Variants in FUCA2 observed in about 807,000 individuals in gnomAD.
FUCA2 encodes the protein alpha-L-fucosidase 2.
In FUCA2, 41 loss-of-function variants were observed where a neutral mutation model predicts 52.6. The ratio of observed to expected loss-of-function variants is 0.78; its 90% CI spans 0.61 to 1.01. The LOEUF (loss-of-function observed/expected upper bound fraction) is 1.01. Ranked by LOEUF, FUCA2 falls within the 50% of genes least tolerant of loss-of-function variation. FUCA2 has a pLI of 0.00. For missense variants in FUCA2, 507 were observed against 569.5 expected (o/e 0.89, Z 1.12); for synonymous variants, 211 against 217.3 (o/e 0.97, Z 0.26).
rs1780671117 is a variant in FUCA2, at chr6:143,510,689, C to G, written c.224+722G>C. Among the ~76,000 whole-genome samples the G allele has an allele frequency of 6.6e-6, 1 of 151,016 alleles. No homozygotes were observed. The highest frequency in any genetic ancestry group is 2.1e-4 in the South Asian group (1 of 4,776). On this transcript the variant is annotated intron_variant, in intron 1 of 6. Transcript: ENST00000002165. This position sits in a 1 kb window ranked among gnomAD's most constrained non-coding sequence, Gnocchi z 4.4. ...ATGTGTATGTTTCTATATATGCACA[C>G]AAAATATTTCTGTTTTGAAGGACTT...
chr6:143,501,887 A>G lies in FUCA2; in HGVS notation c.1154+45T>C. ...TCTTTATATGTCTGATAAATTTTAA[A>G]TCTCTTCCTTTATAAAAGAGTACTT... On this transcript the variant is annotated intron_variant, in intron 5 of 6. Transcript: ENST00000002165. This position sits in a 1 kb window ranked among gnomAD's most constrained non-coding sequence, Gnocchi z 6.1. 1 of 1,512,132 alleles carries G rather than the reference A, an allele frequency of 6.6e-7. No homozygotes were observed. Among genetic ancestry groups the G allele is most frequent in the Non-Finnish European group, 9.0e-7 (1 of 1,107,318 alleles). 93.7% of individuals were successfully genotyped at this position (1,512,132 alleles called of 1,614,324 possible).
Position 143,502,854 on chromosome 6 carries a change from C to T in FUCA2, c.753-289G>A. 6.3e-6 allele frequency: 2 copies of T among 319,882 alleles called. No individual in the cohort carries two copies. The highest frequency in any genetic ancestry group is 1.2e-4 in the East Asian group (2 of 16,444). The allele number at this position is 319,882 out of a possible 1,614,324, so 19.8% of individuals were successfully genotyped here. The stretch of plus-strand genomic sequence containing the variant: ...AGTTATGTAAAACATTAGCCTGGTA[C>T]CCAGCACATATAGCACTCATAAGAG... On this transcript the variant is annotated intron_variant, in intron 3 of 6. Coordinates refer to ENST00000002165, the MANE Select transcript of FUCA2 (RefSeq NM_032020.5). The surrounding 1 kb of genome is among the most constrained non-coding windows in gnomAD (Gnocchi z 4.1).
Position 143,507,187 on chromosome 6 carries a change from T to C in FUCA2, c.412+50A>G. On this transcript the variant is annotated intron_variant, in intron 2 of 6. Transcript: ENST00000002165. The surrounding 1 kb of genome is among the most constrained non-coding windows in gnomAD (Gnocchi z 4.5). The stretch of plus-strand genomic sequence containing the variant: ...AGTTTTTTCTTCCAAAAGAACAACT[T>C]TTCATTTCTTAACCATTGTCAGCAA... The C allele has an allele frequency of 6.6e-7, 1 of 1,513,574 alleles. No homozygotes were observed. Among genetic ancestry groups the C allele is most frequent in the Non-Finnish European group, 8.9e-7 (1 of 1,123,636 alleles). The allele number at this position is 1,513,574 out of a possible 1,614,324, so 93.8% of individuals were successfully genotyped here. A position where few individuals can be genotyped will look rare whatever the true frequency, so the allele number is the denominator to read the frequency against.
In FUCA2 at chr6:143,499,774, A is replaced by G. The variant is rs930290380; in HGVS notation, c.1154+2158T>C. Among the ~76,000 whole-genome samples the G allele has an allele frequency of 1.3e-5, 2 of 152,124 alleles. No homozygotes were observed. Among genetic ancestry groups the G allele is most frequent in the Admixed American group, 6.6e-5 (1 of 15,266 alleles). ...GTTATTGTGGGCCTTGAGAAGAGCA[A>G]TTCTGGAGTGTGGGGGTGGAAGCTC... On this transcript the variant is annotated intron_variant, in intron 5 of 6. Coordinates refer to ENST00000002165, the MANE Select transcript of FUCA2 (RefSeq NM_032020.5). This position sits in a 1 kb window ranked among gnomAD's most constrained non-coding sequence, Gnocchi z 6.0.
In FUCA2 at chr6:143,511,469, C is replaced by A. The variant is rs765526154; in HGVS notation, c.166G>T (p.Gly56Cys). ...LPAWFDQAKF[G>C]IFIHWGVFSV... ...AACACTCCCCAGTGGATGAAGATGCCGAACTTGGCCTGGTCAAACCACGCG... is the reference window on the plus strand; with the variant it reads ...AACACTCCCCAGTGGATGAAGATGCAGAACTTGGCCTGGTCAAACCACGCG... Residue 56 changes from glycine to cysteine, a missense_variant, in exon 1 of 7, where the codon GGC becomes TGC. Gly to Cys is a radical substitution (Grantham distance 159, BLOSUM62 -3). Transcript: ENST00000002165. This position sits in a 1 kb window ranked among gnomAD's most constrained non-coding sequence, Gnocchi z 6.3. 4.3e-6 allele frequency: 7 copies of A among 1,609,500 alleles called. No individual in the cohort carries two copies. In the East Asian group the frequency reaches 6.7e-5, roughly 15 times the overall value.
Position 143,511,573 on chromosome 6 carries a change from A to G in FUCA2, c.62T>C (p.Leu21Pro), listed in dbSNP as rs375529300. 140 of 1,560,672 alleles carry G rather than the reference A, an allele frequency of 9.0e-5. No individual in the cohort carries two copies. Among genetic ancestry groups the G allele is most frequent in the Non-Finnish European group, 1.1e-4 (126 of 1,153,216 alleles). Residue 21 changes from leucine to proline, a missense_variant, in exon 1 of 7, where the codon CTG becomes CCG. Physicochemically the swap from Leu to Pro is moderately conservative, Grantham distance 98. Coordinates refer to ENST00000002165, the MANE Select transcript of FUCA2 (RefSeq NM_032020.5). The surrounding 1 kb of genome is among the most constrained non-coding windows in gnomAD (Gnocchi z 6.3). Reference protein sequence around the residue: ...FPLLLLLLLLLPPPPCPAHSA... With the variant: ...FPLLLLLLLLPPPPPCPAHSA... Reference sequence around the variant, plus strand: ...GTGGGCAGGGCACGGCGGCGGCGGCAGCAGCAGCAACAGCAACAGCAGCAA... The same window carrying G: ...GTGGGCAGGGCACGGCGGCGGCGGCGGCAGCAGCAACAGCAACAGCAGCAA...
At position 143,503,020 on chromosome 6, in the gene FUCA2, C is replaced by T. The variant is rs1039592032; in HGVS notation, c.753-455G>A. ...CTTTCTTTTTCTCTTACCATTGTGC[C>T]TAATATTGAAAAATCTCAGAAAATT... On this transcript the variant is annotated intron_variant, in intron 3 of 6. Coordinates refer to ENST00000002165, the MANE Select transcript of FUCA2 (RefSeq NM_032020.5). This position sits in a 1 kb window ranked among gnomAD's most constrained non-coding sequence, Gnocchi z 4.8. 2.6e-5 allele frequency: 4 copies of T among 155,140 alleles called. No homozygotes were observed. The highest frequency in any genetic ancestry group is 9.7e-5 in the African/African-American group (4 of 41,398). 9.6% of individuals were successfully genotyped at this position (155,140 alleles called of 1,614,324 possible).
Position 143,504,391 on chromosome 6 carries a change from A to AT in FUCA2, c.413-140dup, listed in dbSNP as rs1562665547. On this transcript the variant is annotated intron_variant, in intron 2 of 6. Transcript: ENST00000002165. The surrounding 1 kb of genome is among the most constrained non-coding windows in gnomAD (Gnocchi z 4.4). ...TCCTACAAATGACTGTTTTATGGCC[A>AT]TTTTTTCATAGCATATATTGTGCTT... 16 of 700,304 alleles carry AT rather than the reference A, an allele frequency of 2.3e-5. No homozygotes were observed. In the South Asian group the frequency reaches 3.1e-4, roughly 14 times the overall value. 43.4% of individuals were successfully genotyped at this position (700,304 alleles called of 1,614,324 possible). A position where few individuals can be genotyped will look rare whatever the true frequency, so the allele number is the denominator to read the frequency against.
Position 143,507,574 on chromosome 6 carries a change from T to C in FUCA2, c.225-150A>G, listed in dbSNP as rs569447945. The C allele has an allele frequency of 8.4e-6, 5 of 592,156 alleles. No individual in the cohort carries two copies. Among genetic ancestry groups the C allele is most frequent in the Non-Finnish European group, 1.1e-5 (4 of 355,112 alleles). 36.7% of individuals were successfully genotyped at this position (592,156 alleles called of 1,614,324 possible). On this transcript the variant is annotated intron_variant, in intron 1 of 6. Transcript: ENST00000002165. The surrounding 1 kb of genome is among the most constrained non-coding windows in gnomAD (Gnocchi z 4.5). ...CATTAGTTTGACTTGGCTTTAAAGATAGCTTATGCAAACTAAACCCCCTCT... is the reference window on the plus strand; with the variant it reads ...CATTAGTTTGACTTGGCTTTAAAGACAGCTTATGCAAACTAAACCCCCTCT...
At position 143,501,376 on chromosome 6, in the gene FUCA2, T is replaced by A. The variant is rs180727712; in HGVS notation, c.1154+556A>T. 6.6e-6 allele frequency among the ~76,000 whole-genome samples: 1 copy of A among 152,340 alleles called. No homozygotes were observed. Among genetic ancestry groups the A allele is most frequent in the East Asian group, 1.9e-4 (1 of 5,190 alleles). ...TCACCAATACTCATCTTATTTTATATATGTTAAGAAACCATATCAGAAACT... is the reference window on the plus strand; with the variant it reads ...TCACCAATACTCATCTTATTTTATAAATGTTAAGAAACCATATCAGAAACT... On this transcript the variant is annotated intron_variant, in intron 5 of 6. Transcript: ENST00000002165. This position sits in a 1 kb window ranked among gnomAD's most constrained non-coding sequence, Gnocchi z 6.1.
intron 2 of FUCA2, chr6:143,506,201 T>G (rs1261128014): frequency 2.7e-5 from 4 of 149,928 alleles, no homozygotes; most frequent in South Asian, 2.1e-4. Context: ...CGTTTTTTTT[T>G]TTTTTTTTTT....
intron 6 of FUCA2, chr6:143,496,167 C>CAG (rs1404186598): frequency 8.5e-6 from 2 of 235,150 alleles, no homozygotes; most frequent in Admixed American, 1.0e-4. Flanking sequence ...GCTCTGAAAC[C>CAG]AGAGTCTGCC....
chr6:143,504,940 A>T lies in FUCA2; in HGVS notation c.413-688T>A, dbSNP rs776132210. 1.3e-5 allele frequency: 2 copies of T among 152,198 alleles called. No homozygotes were observed. The highest frequency in any genetic ancestry group is 2.4e-5 in the African/African-American group (1 of 41,434). 9.4% of individuals were successfully genotyped at this position (152,198 alleles called of 1,614,324 possible). Reference sequence around the variant, plus strand: ...TAATCTCATCCTACTATAAAATCATAAGCTTGGATGTTCCTCTTTAATAAA... The same window carrying T: ...TAATCTCATCCTACTATAAAATCATTAGCTTGGATGTTCCTCTTTAATAAA... On this transcript the variant is annotated intron_variant, in intron 2 of 6. Transcript: ENST00000002165. The surrounding 1 kb of genome is among the most constrained non-coding windows in gnomAD (Gnocchi z 4.4).
Position 143,507,383 on chromosome 6 carries a change from A to T in FUCA2, c.266T>A (p.Phe89Tyr). The T allele has an allele frequency of 6.2e-7, 1 of 1,604,432 alleles. No homozygotes were observed. The highest frequency in any genetic ancestry group is 8.5e-7 in the Non-Finnish European group (1 of 1,177,864). The change falls in exon 2 of 7, where the codon TTT becomes TAT. Residue 89 changes from phenylalanine to tyrosine, a missense_variant. Phe to Tyr is a conservative substitution (Grantham distance 22). Transcript: ENST00000002165. The surrounding 1 kb of genome is among the most constrained non-coding windows in gnomAD (Gnocchi z 4.5). The stretch of plus-strand genomic sequence containing the variant: ...ACTAGGAGGGTAATTATCTTTCATA[A>T]ATTCCACATACTTCGGTATCTTTTC... The part of the protein sequence containing the change: ...QKEKIPKYVE[F>Y]MKDNYPPSFK...
intron 6 of FUCA2, chr6:143,496,714 A>G (rs1338871143): frequency 1.3e-5 from 2 of 152,216 alleles, no homozygotes; most frequent in Non-Finnish European, 2.9e-5. Context: ...TAAACATAAA[A>G]TAGTAGAGTC....
chr6:143,498,679 T>C (rs1227975153), intron 5 of FUCA2, among the ~76,000 whole-genome samples: 1 of 152,094 alleles, frequency 6.6e-6, no homozygotes, highest in African/African-American at 2.4e-5. Context: ...TATAGGCCCT[T>C]GTAAGCATCT....
At position 143,509,038 on chromosome 6, in the gene FUCA2, AC is replaced by A. The variant is rs1780648318; in HGVS notation, c.225-1615del. Reference sequence around the variant, plus strand: ...CTGAGTATCTGGGACTACGGGCATTACATTTTAAATTGAACTGCAAAAGAGA... The same window carrying A: ...CTGAGTATCTGGGACTACGGGCATTAATTTTAAATTGAACTGCAAAAGAGA... On this transcript the variant is annotated intron_variant, in intron 1 of 6. Coordinates refer to ENST00000002165, the MANE Select transcript of FUCA2 (RefSeq NM_032020.5). The surrounding 1 kb of genome is among the most constrained non-coding windows in gnomAD (Gnocchi z 5.4). Among the ~76,000 whole-genome samples, 1 of 152,154 alleles carries A rather than the reference AC, an allele frequency of 6.6e-6. No individual in the cohort carries two copies. Among genetic ancestry groups the A allele is most frequent in the African/African-American group, 2.4e-5 (1 of 41,412 alleles).
In FUCA2 at chr6:143,510,937, T is replaced by C. The variant is rs1780674215; in HGVS notation, c.224+474A>G. ...TAACATGTTAACATTAAGTAGCCAATGGTGTTCAATGAACAGTCGTTTCAC... is the reference window on the plus strand; with the variant it reads ...TAACATGTTAACATTAAGTAGCCAACGGTGTTCAATGAACAGTCGTTTCAC... On this transcript the variant is annotated intron_variant, in intron 1 of 6. Transcript: ENST00000002165. The surrounding 1 kb of genome is among the most constrained non-coding windows in gnomAD (Gnocchi z 4.4). 6.6e-6 allele frequency among the ~76,000 whole-genome samples: 1 copy of C among 152,140 alleles called. No individual in the cohort carries two copies.
At chr6:143,498,693 G>A (rs573478920) in intron 5 of FUCA2, among the ~76,000 whole-genome samples, 68 of 152,232 alleles carry the variant, frequency 4.5e-4, no homozygotes, top group Admixed American at 7.8e-4. Flanking sequence ...AGCATCTATG[G>A]GACCTGGCCT....
Sources: allele counts gnomAD v4.1 joint callset (sites outside exome capture counted in the v4.1 genomes callset), GRCh38; gene constraint gnomAD v4.1.1; non-coding constraint Gnocchi (gnomAD v3.1); transcripts MANE v1.5; gene names NCBI Gene and HGNC (gene_info 2026-07-23, HGNC 2026-07-21).